Variants in RBMS3 observed in about 807,000 individuals in gnomAD.
The protein encoded by RBMS3 is RNA-binding motif, single-stranded-interacting protein 3.
In RBMS3, 27 loss-of-function variants were observed where a neutral mutation model predicts 66.8. The ratio of observed to expected loss-of-function variants is 0.40; its 90% CI spans 0.30 to 0.56. The LOEUF (loss-of-function observed/expected upper bound fraction) is 0.56, where lower values mean the gene tolerates loss of function less well. Ranked by LOEUF, RBMS3 falls within the 20% of genes least tolerant of loss-of-function variation. The pLI, the probability that RBMS3 is intolerant of heterozygous loss-of-function variation, is 0.40. For missense variants in RBMS3, 513 were observed against 549.5 expected (o/e 0.93, Z 0.66); for synonymous variants, 188 against 183.0 (o/e 1.03, Z -0.22).
chr3:29,553,165 T>G (rs35891), intron 3 of RBMS3, among the ~76,000 whole-genome samples: 82,451 of 151,550 alleles, frequency 0.54, 23,154 homozygotes, highest in African/African-American at 0.67. Context: ...AAGTTACTAA[T>G]GTGTATGTTA....
intron 12 of RBMS3, among the ~76,000 whole-genome samples, chr3:29,972,447 T>C (rs1046103587): frequency 1.3e-5 from 2 of 149,412 alleles, no homozygotes; most frequent in Admixed American, 6.7e-5. Flanking sequence ...CTGCCTCTTC[T>C]TTTCTTCTCT....
At chr3:29,438,678 G>GTA (rs1450206264) in intron 2 of RBMS3, among the ~76,000 whole-genome samples, 1 of 152,182 alleles carries the variant, frequency 6.6e-6, no homozygotes, top group Non-Finnish European at 1.5e-5. Context: ...GTAGAAAATA[G>GTA]TATAGTTAAA....
intron 6 of RBMS3, among the ~76,000 whole-genome samples, chr3:29,789,349 A>T (rs960713679): frequency 5.9e-5 from 9 of 152,052 alleles, no homozygotes; most frequent in Non-Finnish European, 1.3e-4. Context: ...AATTTTTATT[A>T]AAAAATATTA....
chr3:29,892,614 G>A (rs1019953565), intron 8 of RBMS3, among the ~76,000 whole-genome samples: 1 of 151,446 alleles, frequency 6.6e-6, no homozygotes, highest in African/African-American at 2.4e-5. Flanking sequence ...TGGTGAAGAA[G>A]TAAACTTTTT....
At chr3:29,942,461 T>TA (rs1358037302) in intron 11 of RBMS3, among the ~76,000 whole-genome samples, 1 of 151,742 alleles carries the variant, frequency 6.6e-6, no homozygotes, top group Non-Finnish European at 1.5e-5. Flanking sequence ...AGTTTGAGGT[T>TA]ACAGTGAGCT....
At chr3:29,302,643 T>TG (rs2033757742) in intron 1 of RBMS3, among the ~76,000 whole-genome samples, 1 of 152,088 alleles carries the variant, frequency 6.6e-6, no homozygotes, top group Admixed American at 6.6e-5. Flanking sequence ...TTTTAAAATA[T>TG]ATCTAAAGGA....
At chr3:29,900,132 A>G (rs1032185080) in intron 10 of RBMS3, among the ~76,000 whole-genome samples, 12 of 151,782 alleles carry the variant, frequency 7.9e-5, no homozygotes, top group Non-Finnish European at 1.5e-4. Flanking sequence ...TTTATTCTAC[A>G]AGGAAACTCT....
intron 3 of RBMS3, among the ~76,000 whole-genome samples, chr3:29,545,836 T>C (rs1455129345): frequency 2.0e-5 from 3 of 152,212 alleles, no homozygotes; most frequent in Non-Finnish European, 2.9e-5. Context: ...TTCAGATTCC[T>C]AGAGAAAGCT....
chr3:29,623,389 G>A (rs1390715501), intron 4 of RBMS3, among the ~76,000 whole-genome samples: 3 of 151,542 alleles, frequency 2.0e-5, no homozygotes, highest in African/African-American at 4.9e-5. Flanking sequence ...TCAGCAGATC[G>A]AGACCATCCT....
intron 1 of RBMS3, among the ~76,000 whole-genome samples, chr3:29,318,584 G>A (rs60443252): frequency 0.023 from 3,530 of 151,932 alleles, 140 homozygotes; most frequent in African/African-American, 0.08. Context: ...AATTATTTCC[G>A]AATGATTACC....
intron 4 of RBMS3, among the ~76,000 whole-genome samples, chr3:29,602,012 C>T (rs2048161655): frequency 6.6e-6 from 1 of 151,994 alleles, no homozygotes. Context: ...AATTGTCATT[C>T]ATTTGGACAC....
intron 3 of RBMS3, among the ~76,000 whole-genome samples, chr3:29,570,788 G>A (rs1188206455): frequency 6.6e-6 from 1 of 152,116 alleles, no homozygotes; most frequent in Non-Finnish European, 1.5e-5. Flanking sequence ...AACAAACATG[G>A]AAATGCAGAT....
chr3:29,662,767 G>A (rs562139973), intron 4 of RBMS3, among the ~76,000 whole-genome samples: 2 of 152,200 alleles, frequency 1.3e-5, no homozygotes, highest in African/African-American at 2.4e-5. Context: ...AGACATGGCA[G>A]TATAGACATT....
At chr3:29,439,242 G>T (rs945912122) in intron 2 of RBMS3, among the ~76,000 whole-genome samples, 2 of 152,112 alleles carry the variant, frequency 1.3e-5, no homozygotes, top group African/African-American at 4.8e-5. Context: ...TAAGAACAAT[G>T]GAGGAAATCA....
chr3:29,477,848 C>T (rs1378784126), intron 2 of RBMS3, among the ~76,000 whole-genome samples: 1 of 152,178 alleles, frequency 6.6e-6, no homozygotes, highest in African/African-American at 2.4e-5. Flanking sequence ...TCACTGCAAC[C>T]TCTGCCTCCT....
chr3:29,898,732 T>TGTGC (rs927187459), intron 9 of RBMS3, among the ~76,000 whole-genome samples: 5 of 127,524 alleles, frequency 3.9e-5, no homozygotes, highest in African/African-American at 9.7e-5. Flanking sequence ...CTGGTTGTAA[T>TGTGC]GTGCGTGTGT....
At chr3:29,694,371 G>A (rs982255377) in intron 4 of RBMS3, among the ~76,000 whole-genome samples, 10 of 152,040 alleles carry the variant, frequency 6.6e-5, no homozygotes, top group African/African-American at 2.4e-4. Context: ...CTACTATTTT[G>A]AGGGAACATG....
In RBMS3 at chr3:29,746,104, A is replaced by G. The variant is rs890143990; in HGVS notation, c.557+6227A>G. On this transcript the variant is annotated intron_variant, in intron 5 of 14. Coordinates refer to ENST00000383767, the MANE Select transcript of RBMS3 (RefSeq NM_001003793.3). ...ATGAGACCACAGAAACAGAATAATC[A>G]TATGAAAATACAGGAATTTTAAAAA... Among the ~76,000 whole-genome samples the G allele has an allele frequency of 5.3e-5, 8 of 152,344 alleles. No homozygotes were observed. In the East Asian group the frequency reaches 1.2e-3, roughly 22 times the overall value.
intron 14 of RBMS3, among the ~76,000 whole-genome samples, chr3:29,995,169 A>G (rs1198519254): frequency 1.3e-5 from 2 of 152,090 alleles, no homozygotes; most frequent in Non-Finnish European, 2.9e-5. Context: ...AAGAAAGGGG[A>G]TCAGCAATGG....
Sources: allele counts gnomAD v4.1 joint callset (sites outside exome capture counted in the v4.1 genomes callset), GRCh38; gene constraint gnomAD v4.1.1; transcripts MANE v1.5; gene names NCBI Gene and HGNC (gene_info 2026-07-23, HGNC 2026-07-21).